TTC29: variants seen among roughly 807,000 people sequenced by gnomAD.
TTC29 encodes tetratricopeptide repeat domain 29, also known as tetratricopeptide repeat protein 29.
A neutral mutation model predicts 58.1 loss-of-function variants in TTC29; 49 were observed. That is an observed-to-expected ratio of 0.84 (90% CI 0.67 to 1.07). The LOEUF (loss-of-function observed/expected upper bound fraction) is 1.07, where lower values mean the gene tolerates loss of function less well. Ranked by LOEUF, TTC29 falls within the 50% of genes least tolerant of loss-of-function variation. TTC29 has a pLI of 0.00. For synonymous variants in TTC29, 209 were observed against 196.8 expected (o/e 1.06, Z -0.52); for missense variants, 582 against 555.6 (o/e 1.05, Z -0.48).
chr4:146,816,025 A>G (rs565684254), intron 10 of TTC29, among the ~76,000 whole-genome samples: 115 of 152,304 alleles, frequency 7.6e-4, no homozygotes, highest in African/African-American at 2.7e-3. Context: ...TATCTCAGCA[A>G]TGTGTATTTA....
chr4:146,725,987 C>A (rs2150011620), intron 11 of TTC29, among the ~76,000 whole-genome samples: 1 of 152,244 alleles, frequency 6.6e-6, no homozygotes, highest in South Asian at 2.1e-4. Context: ...ATCCTGTCAC[C>A]TCAGTCTCCC....
At chr4:146,733,757 G>T (rs1744517586) in intron 11 of TTC29, among the ~76,000 whole-genome samples, 1 of 152,126 alleles carries the variant, frequency 6.6e-6, no homozygotes, top group Non-Finnish European at 1.5e-5. Flanking sequence ...GATAAATATT[G>T]AAATAAGCAA....
intron 11 of TTC29, among the ~76,000 whole-genome samples, chr4:146,801,649 A>T (rs1347305250): frequency 6.6e-6 from 1 of 152,162 alleles, no homozygotes; most frequent in Non-Finnish European, 1.5e-5. Flanking sequence ...AAAACATAAA[A>T]AGTATAGAAA....
intron 8 of TTC29, among the ~76,000 whole-genome samples, chr4:146,845,069 A>G (rs1729081741): frequency 6.6e-6 from 1 of 152,124 alleles, no homozygotes; most frequent in Non-Finnish European, 1.5e-5. Flanking sequence ...GTGTGGCCCA[A>G]CTGTTTGCTT....
At position 146,707,072 on chromosome 4, in the gene TTC29, T is replaced by C. The variant is rs571486481; in HGVS notation, c.*86A>G. The C allele has an allele frequency of 1.0e-6, 1 of 996,870 alleles. No homozygotes were observed. The highest frequency in any genetic ancestry group is 1.4e-6 in the Non-Finnish European group (1 of 701,902). 61.8% of individuals were successfully genotyped at this position (996,870 alleles called of 1,614,324 possible). ...TCCGTTTTATTATAACTCTATATTATCTGTAACATGCTCCTATTACAAGTA... is the reference window on the plus strand; with the variant it reads ...TCCGTTTTATTATAACTCTATATTACCTGTAACATGCTCCTATTACAAGTA... On this transcript the variant is annotated 3_prime_UTR_variant, in exon 13 of 13. Coordinates refer to ENST00000325106, the MANE Select transcript of TTC29 (RefSeq NM_031956.4).
intron 6 of TTC29, among the ~76,000 whole-genome samples, chr4:146,890,820 G>A (rs974749097): frequency 3.3e-5 from 5 of 152,074 alleles, no homozygotes; most frequent in Non-Finnish European, 7.4e-5. Context: ...ACTTCAGCCT[G>A]TTTCTTTTGT....
chr4:146,806,709 C>G (rs892843744), intron 10 of TTC29, among the ~76,000 whole-genome samples: 1 of 151,872 alleles, frequency 6.6e-6, no homozygotes, highest in South Asian at 2.1e-4. Flanking sequence ...ACATATGCAC[C>G]CCATACAGGA....
At chr4:146,770,124 A>C (rs1436296142) in intron 11 of TTC29, among the ~76,000 whole-genome samples, 3 of 151,974 alleles carry the variant, frequency 2.0e-5, no homozygotes, top group Non-Finnish European at 2.9e-5. Flanking sequence ...CTTTAGAAAA[A>C]AAAAATTTCT....
At chr4:146,825,035 A>AT (rs1395685122) in intron 9 of TTC29, among the ~76,000 whole-genome samples, 1 of 151,210 alleles carries the variant, frequency 6.6e-6, no homozygotes, top group Non-Finnish European at 1.5e-5. Flanking sequence ...TATTTTATTA[A>AT]TTTTTTCATA....
At chr4:146,894,009 T>C (rs554996992) in intron 6 of TTC29, among the ~76,000 whole-genome samples, 134 of 152,190 alleles carry the variant, frequency 8.8e-4, no homozygotes, top group African/African-American at 3.2e-3. Context: ...AGAATGGCAA[T>C]CATTAAAAAG....
chr4:146,779,714 T>C (rs1298221840), intron 11 of TTC29, among the ~76,000 whole-genome samples: 2 of 152,178 alleles, frequency 1.3e-5, no homozygotes, highest in Admixed American at 6.5e-5. Context: ...TATCCCACAG[T>C]CTTTGGCTCT....
intron 8 of TTC29, among the ~76,000 whole-genome samples, chr4:146,860,568 G>C (rs1730162231): frequency 6.6e-6 from 1 of 152,052 alleles, no homozygotes; most frequent in Admixed American, 6.6e-5. Flanking sequence ...AGCATATACA[G>C]CATGGATACT....
At chr4:146,820,316 T>G in intron 9 of TTC29, 68 bp from the exon 10 acceptor site, 1 of 1,526,784 alleles carries the variant, frequency 6.5e-7, no homozygotes, top group Non-Finnish European at 8.8e-7. Context: ...AGAGGAAGTA[T>G]CTTGTGTCTT....
At chr4:146,748,373 A>G (rs1745704873) in intron 11 of TTC29, among the ~76,000 whole-genome samples, 1 of 152,180 alleles carries the variant, frequency 6.6e-6, no homozygotes, top group Admixed American at 6.5e-5. Context: ...CAGATGCTAC[A>G]GTAGTTTCAC....
chr4:146,747,063 T>A (rs1745601380), intron 11 of TTC29, among the ~76,000 whole-genome samples: 1 of 152,024 alleles, frequency 6.6e-6, no homozygotes, highest in Admixed American at 6.6e-5. Context: ...CTTCTCCCTA[T>A]GGAAGAAAGG....
At chr4:146,940,933 G>C (rs956266511) in intron 2 of TTC29, among the ~76,000 whole-genome samples, 2 of 152,210 alleles carry the variant, frequency 1.3e-5, no homozygotes, top group Non-Finnish European at 2.9e-5. Flanking sequence ...ATTGATAGGA[G>C]AGTGTCAAAG....
chr4:146,911,632 T>C (rs1180294046), intron 4 of TTC29, among the ~76,000 whole-genome samples: 1 of 152,190 alleles, frequency 6.6e-6, no homozygotes, highest in Non-Finnish European at 1.5e-5. Flanking sequence ...TTCAAGACCA[T>C]GTCTCTGGGG....
chr4:146,797,118 C>T (rs2150110303), intron 11 of TTC29, among the ~76,000 whole-genome samples: 1 of 152,316 alleles, frequency 6.6e-6, no homozygotes, highest in Admixed American at 6.5e-5. Flanking sequence ...GCACTGACAA[C>T]ATTCAGTTCA....
At chr4:146,784,038 T>A (rs1466673039) in intron 11 of TTC29, among the ~76,000 whole-genome samples, 2 of 151,586 alleles carry the variant, frequency 1.3e-5, no homozygotes, top group African/African-American at 4.8e-5. Flanking sequence ...GAACTAGTTT[T>A]CTTAACTGAG....
Sources: allele counts gnomAD v4.1 joint callset (sites outside exome capture counted in the v4.1 genomes callset), GRCh38; gene constraint gnomAD v4.1.1; transcripts MANE v1.5; gene names NCBI Gene and HGNC (gene_info 2026-07-23, HGNC 2026-07-21).